DCAF1: variants seen among roughly 807,000 people sequenced by gnomAD.
DCAF1 encodes the protein DDB1- and CUL4-associated factor 1.
DCAF1 carries 15 observed loss-of-function variants against 128.0 expected under a neutral mutation model. That is an observed-to-expected ratio of 0.12 (90% CI 0.08 to 0.18). The LOEUF (loss-of-function observed/expected upper bound fraction) is 0.18, where lower values mean the gene tolerates loss of function less well. Among genes scored for constraint, DCAF1 ranks in the 10% least tolerant of loss-of-function variants. The probability of loss-of-function intolerance (pLI) is 1.00; values close to 1 mark genes in which losing one functional copy is unlikely to be tolerated. For missense variants in DCAF1, 988 were observed against 1,649.5 expected, an observed-to-expected ratio of 0.60 and a Z score of 6.95; for synonymous variants, 610 against 603.0, an observed-to-expected ratio of 1.01 and a Z score of -0.17.
intron 23 of DCAF1, among the ~76,000 whole-genome samples, chr3:51,405,838 T>C (rs572876563): frequency 1.3e-5 from 2 of 151,960 alleles, no homozygotes; most frequent in African/African-American, 4.8e-5. Flanking sequence ...TAATGAGTGG[T>C]CCAAAAAGTA....
chr3:51,413,904 G>A, intron 20 of DCAF1, 46 bp downstream of exon 20: 2 of 1,420,418 alleles, frequency 1.4e-6, no homozygotes, highest in Admixed American at 2.9e-5. Flanking sequence ...TTAAGTGAAG[G>A]GGTAGAGCAA....
At chr3:51,468,341 C>T (rs6769932) in intron 4 of DCAF1, among the ~76,000 whole-genome samples, 135,586 of 151,900 alleles carry the variant, frequency 0.89, 60,695 homozygotes, top group African/African-American at 0.95. Context: ...TCAGCTAATT[C>T]CTGTATTTTT....
intron 9 of DCAF1, among the ~76,000 whole-genome samples, chr3:51,435,589 T>C (rs1366591645): frequency 6.6e-6 from 1 of 151,976 alleles, no homozygotes; most frequent in Non-Finnish European, 1.5e-5. Context: ...CACACGCCTA[T>C]AATCCCAGCT....
Position 51,412,376 on chromosome 3 carries a change from G to A in DCAF1, c.4212+3C>T. The A allele has an allele frequency of 6.2e-7, 1 of 1,613,754 alleles. No individual in the cohort carries two copies. The highest frequency in any genetic ancestry group is 8.5e-7 in the Non-Finnish European group (1 of 1,179,828). On this transcript the variant is annotated splice_donor_region_variant and intron_variant, in intron 23 of 24. Coordinates refer to ENST00000684031, the MANE Select transcript of DCAF1 (RefSeq NM_001387579.1). ...GCAGAAAGAAATCTCAAAGACCACT[G>A]ACCTGGTCCTCCTCTTCATCCTCAT...
In DCAF1 at chr3:51,491,012, G is replaced by A. The variant is rs369954887; in HGVS notation, c.-9+5722C>T. 3.4e-5 allele frequency among the ~76,000 whole-genome samples: 5 copies of A among 145,046 alleles called. No individual in the cohort carries two copies. In the South Asian group the frequency reaches 8.7e-4, roughly 25 times the overall value. On this transcript the variant is annotated intron_variant, in intron 2 of 24. Coordinates refer to ENST00000684031, the MANE Select transcript of DCAF1 (RefSeq NM_001387579.1). ...TTCTAAAATTCGTATGTAATTGCAA[G>A]GAAACCTGAATAGGCACAACAATCT...
At chr3:51,475,840 G>A (rs782070000) in intron 3 of DCAF1, among the ~76,000 whole-genome samples, 4 of 151,664 alleles carry the variant, frequency 2.6e-5, no homozygotes, top group Non-Finnish European at 5.9e-5. Context: ...CAGCCTGGGC[G>A]ACAGAGCGAG....
At chr3:51,446,201 G>C (rs528692923) in intron 6 of DCAF1, among the ~76,000 whole-genome samples, 1 of 152,038 alleles carries the variant, frequency 6.6e-6, no homozygotes, top group African/African-American at 2.4e-5. Flanking sequence ...CACCATGTTG[G>C]CCAAGCTGAT....
Position 51,412,399 on chromosome 3 carries a change from C to G in DCAF1, c.4192G>C (p.Glu1398Gln). The G allele has an allele frequency of 1.2e-6, 2 of 1,613,972 alleles. No individual in the cohort carries two copies. The highest frequency in any genetic ancestry group is 1.7e-6 in the Non-Finnish European group (2 of 1,179,870). ...EVGRQRLAED[E>Q]DEEEDQEEEE... ...CTGACCTGGTCCTCCTCTTCATCCT[C>G]ATCCTCTGCCAGACGCTGCCTGCCC... Residue 1398 changes from glutamate to glutamine, a missense_variant, in exon 23 of 25, where the codon GAG becomes CAG. Transcript: ENST00000684031.
chr3:51,420,711 T>G lies in DCAF1; in HGVS notation c.2259A>C (p.Gln753His). The G allele has an allele frequency of 6.2e-7, 1 of 1,614,044 alleles. No individual in the cohort carries two copies. Among genetic ancestry groups the G allele is most frequent in the Non-Finnish European group, 8.5e-7 (1 of 1,179,904 alleles). Residue 753 changes from glutamine (Q) to histidine (H), a missense_variant, in exon 15 of 25, where the codon CAA becomes CAC. This residue lies in a region of DCAF1 where 76 missense variants were observed against 186.9 expected (regional missense o/e 0.41). Coordinates refer to ENST00000684031, the MANE Select transcript of DCAF1 (RefSeq NM_001387579.1). The surrounding 1 kb of genome is among the most constrained non-coding windows in gnomAD (Gnocchi z 6.5). ...GGGCTTTGCAGGCCAGGGCCCGGAT[T>G]TGGTCTGCATCTGTGATGGGCATCT... ...SIKMPITDAD[Q>H]IRALACKALV...
chr3:51,504,919 C>T (rs1366748095), upstream of DCAF1, among the ~76,000 whole-genome samples: 1 of 152,002 alleles, frequency 6.6e-6, no homozygotes, highest in East Asian at 1.9e-4. Context: ...TCAAGACCAA[C>T]CTGGGCAACA....
At chr3:51,488,196 TC>T (rs1707200370) in intron 2 of DCAF1, among the ~76,000 whole-genome samples, 1 of 151,996 alleles carries the variant, frequency 6.6e-6, no homozygotes, top group Non-Finnish European at 1.5e-5. Flanking sequence ...TTAACACCAA[TC>T]CTTCTCAAAC....
At chr3:51,449,579 G>A (rs1242180335) in intron 6 of DCAF1, among the ~76,000 whole-genome samples, 3 of 152,016 alleles carry the variant, frequency 2.0e-5, no homozygotes, top group South Asian at 2.1e-4. Context: ...TAGGAACTAG[G>A]CCTAACTATG....
At chr3:51,412,221 C>A (rs1324776700) in intron 23 of DCAF1, among the ~76,000 whole-genome samples, 158 bp downstream of exon 23, 1 of 147,634 alleles carries the variant, frequency 6.8e-6, no homozygotes, top group Non-Finnish European at 1.5e-5. Context: ...AATAAAATTT[C>A]TTCTGAGTTT....
intron 3 of DCAF1, among the ~76,000 whole-genome samples, chr3:51,476,907 C>A (rs954192872): frequency 2.0e-5 from 3 of 151,632 alleles, no homozygotes; most frequent in Admixed American, 6.6e-5. Flanking sequence ...CGTGGTAAAA[C>A]CCTGTCTCTA....
intron 3 of DCAF1, among the ~76,000 whole-genome samples, chr3:51,482,548 T>C (rs1420782059): frequency 1.3e-5 from 2 of 151,494 alleles, no homozygotes; most frequent in Admixed American, 1.3e-4. Context: ...GTGAATCACC[T>C]GAGCTCAGGA....
At chr3:51,403,513 C>A in intron 23 of DCAF1, 118 bp from the exon 24 acceptor site, 1 of 1,462,730 alleles carries the variant, frequency 6.8e-7, no homozygotes, top group Non-Finnish European at 9.1e-7. Context: ...TAGTAGTGAT[C>A]TAGACGAGCA....
chr3:51,499,951 G>GCACTCACTCTC lies in DCAF1; in HGVS notation c.-145_-135dup, dbSNP rs1159077976. 3.3e-5 allele frequency: 4 copies of GCACTCACTCTC among 121,130 alleles called. No individual in the cohort carries two copies. The East Asian group carries it at 8.5e-4, about 26-fold the overall frequency. The allele number at this position is 121,130 out of a possible 1,614,324, so 7.5% of individuals were successfully genotyped here. ...TCACACACACACAGCCTCAGGTCCCGCACTCACTCTCCACTCACACACACA... is the reference window on the plus strand; with the variant it reads ...TCACACACACACAGCCTCAGGTCCCGCACTCACTCTCCACTCACTCTCCACTCACACACACA... On this transcript the variant is annotated 5_prime_UTR_variant, in exon 1 of 25. Transcript: ENST00000684031.
At chr3:51,483,135 G>A (rs1396705624) in intron 3 of DCAF1, among the ~76,000 whole-genome samples, 13 of 78,406 alleles carry the variant, frequency 1.7e-4, no homozygotes, top group African/African-American at 9.5e-5. Flanking sequence ...GCAAAACTCC[G>A]TATGAAAAAA....
chr3:51,442,437 C>T (rs1553639090), intron 7 of DCAF1, among the ~76,000 whole-genome samples: 1 of 152,108 alleles, frequency 6.6e-6, no homozygotes, highest in East Asian at 1.9e-4. Flanking sequence ...GTAGCTCACG[C>T]CTGTAATCCC....
Sources: allele counts gnomAD v4.1 joint callset (sites outside exome capture counted in the v4.1 genomes callset), GRCh38; gene constraint gnomAD v4.1.1; regional missense constraint gnomAD v4.1.1; non-coding constraint Gnocchi (gnomAD v3.1); transcripts MANE v1.5; gene names NCBI Gene and HGNC (gene_info 2026-07-23, HGNC 2026-07-21).